Variants in PTOV1 observed in about 807,000 individuals in gnomAD.
PTOV1 encodes the protein PTOV1 extended AT-hook containing adaptor protein, also known as prostate tumor-overexpressed gene 1 protein.
A neutral mutation model predicts 58.0 loss-of-function variants in PTOV1; 20 were observed. The ratio of observed to expected loss-of-function variants is 0.34; its 90% CI spans 0.24 to 0.50. PTOV1 has a LOEUF of 0.50. Among genes scored for constraint, PTOV1 ranks in the 20% least tolerant of loss-of-function variants. PTOV1 has a pLI of 0.98. For missense variants in PTOV1, 593 were observed against 565.4 expected (o/e 1.05, Z -0.50); for synonymous variants, 335 against 234.2 (o/e 1.43, Z -3.93).
chr19:49,856,915 T>TG, intron 5 of PTOV1, 60 bp from the exon 6 acceptor site: 3 of 1,597,498 alleles, frequency 1.9e-6, no homozygotes, highest in Non-Finnish European at 2.6e-6. Flanking sequence ...CGGTCCAGGG[T>TG]GGTGGGGGCA....
intron 4 of PTOV1, 39 bp downstream of exon 4, chr19:49,854,927 C>T: frequency 6.3e-7 from 1 of 1,588,438 alleles, no homozygotes; most frequent in Non-Finnish European, 8.6e-7. Flanking sequence ...CTCTGAGCAC[C>T]CCCATGCCTG....
chr19:49,851,174 G>A (rs1600348299), exon 1 of PTOV1: 5 of 1,236,424 alleles, frequency 4.0e-6, no homozygotes, highest in Non-Finnish European at 5.0e-6. Context: ...TTCGGCCGCG[G>A]CGACCCCACT....
intron 6 of PTOV1, 21 bp from the exon 7 acceptor site, chr19:49,857,672 C>T (rs764776746): frequency 6.2e-6 from 10 of 1,610,150 alleles, no homozygotes; most frequent in South Asian, 4.4e-5. Flanking sequence ...CCCCTCTTCC[C>T]ACCCCGTTCC....
At position 49,856,812 on chromosome 19, in the gene PTOV1, A is replaced by G. The variant is rs1354166073; in HGVS notation, c.559-163A>G. The G allele has an allele frequency of 3.7e-6, 3 of 805,330 alleles. No homozygotes were observed. In the Admixed American group the frequency reaches 8.7e-5, roughly 23 times the overall value. 49.9% of individuals were successfully genotyped at this position (805,330 alleles called of 1,614,324 possible). A position where few individuals can be genotyped will look rare whatever the true frequency, so the allele number is the denominator to read the frequency against. On this transcript the variant is annotated intron_variant, in intron 5 of 11. Coordinates refer to ENST00000391842, the Ensembl canonical transcript of PTOV1. ...GTCGGGGGATGCCGATGGGCGCTGC[A>G]CGGGCTCTCAGAGGCCCCTCACCTA...
upstream of PTOV1, chr19:49,851,078 G>C (rs1352538670): frequency 2.8e-6 from 4 of 1,452,612 alleles, no homozygotes; most frequent in African/African-American, 5.9e-5. Context: ...CCCGGGCCCC[G>C]CTCCCCCGCG....
At chr19:49,858,562 C>A (rs374159356) in exon 10 of PTOV1, 4 of 1,601,350 alleles carry the variant, frequency 2.5e-6, no homozygotes, top group Non-Finnish European at 3.4e-6. Context: ...ACCCTAGTGC[C>A]GCTGTTCCGG....
chr19:49,854,406 G>A (rs371913757), exon 2 of PTOV1: 1 of 1,607,564 alleles, frequency 6.2e-7, no homozygotes, highest in African/African-American at 1.3e-5. Context: ...TCCATTGCAG[G>A]AAGGTGCTCG....
intron 6 of PTOV1, chr19:49,857,490 G>T: frequency 1.6e-6 from 1 of 632,070 alleles, no homozygotes; most frequent in Non-Finnish European, 2.8e-6. Context: ...CCAGGTGAGG[G>T]CCGGGACCTG....
chr19:49,852,652 T>C (rs977652905), intron 1 of PTOV1: 2 of 152,236 alleles, frequency 1.3e-5, no homozygotes, highest in African/African-American at 2.4e-5. Context: ...ATATGTGTTC[T>C]TTACTATGGC....
At chr19:49,858,627 C>T in exon 10 of PTOV1, 1 of 1,603,182 alleles carries the variant, frequency 6.2e-7, no homozygotes, top group Non-Finnish European at 8.5e-7. Flanking sequence ...ACTGAAGAGC[C>T]TGTGCCGGAT....
upstream of PTOV1, chr19:49,851,085 C>T (rs1294508735): frequency 1.4e-6 from 2 of 1,452,716 alleles, no homozygotes; most frequent in African/African-American, 2.9e-5. Context: ...CCCGCTCCCC[C>T]GCGCCGCCTT....
chr19:49,854,486 C>T (rs748925811), exon 2 of PTOV1: 77 of 1,612,832 alleles, frequency 4.8e-5, no homozygotes, highest in Non-Finnish European at 6.2e-5. Flanking sequence ...TGGCCGTGAG[C>T]GAGCACCGGC....
chr19:49,851,515 T>A lies in PTOV1; in HGVS notation c.171+16T>A. 9.0e-7 allele frequency: 1 copy of A among 1,107,316 alleles called. No individual in the cohort carries two copies. The highest frequency in any genetic ancestry group is 1.1e-6 in the Non-Finnish European group (1 of 898,188). The allele number at this position is 1,107,316 out of a possible 1,614,324, so 68.6% of individuals were successfully genotyped here. A position where few individuals can be genotyped will look rare whatever the true frequency, so the allele number is the denominator to read the frequency against. On this transcript the variant is annotated intron_variant, in intron 1 of 11. Transcript: ENST00000391842. Reference sequence around the variant, plus strand: ...CCCTCCCATGGTGAGCCCCCCGCCCTTTTTCCAGAGCCTTCCACGGCCCCG... The same window carrying A: ...CCCTCCCATGGTGAGCCCCCCGCCCATTTTCCAGAGCCTTCCACGGCCCCG...
intron 5 of PTOV1, chr19:49,855,545 C>T (rs546938486): frequency 1.7e-4 from 32 of 192,998 alleles, no homozygotes; most frequent in African/African-American, 6.9e-4. Context: ...GGTGCTGAAG[C>T]AGGCGCGGTG....
At position 49,854,907 on chromosome 19, in the gene PTOV1, A is replaced by G; in HGVS notation, c.450+19A>G. 7.6e-7 allele frequency: 1 copy of G among 1,310,764 alleles called. No individual in the cohort carries two copies. The highest frequency in any genetic ancestry group is 2.3e-5 in the African/African-American group (1 of 43,630). 81.2% of individuals were successfully genotyped at this position (1,310,764 alleles called of 1,614,324 possible). A position where few individuals can be genotyped will look rare whatever the true frequency, so the allele number is the denominator to read the frequency against. On this transcript the variant is annotated intron_variant, in intron 4 of 11. Coordinates refer to ENST00000391842, the Ensembl canonical transcript of PTOV1. The stretch of plus-strand genomic sequence containing the variant: ...GCTGCTGGTGAGACCCGCCCCTCCC[A>G]CCCCATCCACTCTGAGCACCCCCAT...
In PTOV1 at chr19:49,854,298, G is replaced by A. The variant is rs555822315; in HGVS notation, c.172-108G>A. ...GACATGGCCCCGTGGGCTTCCAGCA[G>A]GGGATTTGGGGCTGAATATTGGGAC... On this transcript the variant is annotated intron_variant, in intron 1 of 11. Transcript: ENST00000391842. The A allele has an allele frequency of 1.5e-5, 22 of 1,442,590 alleles. No homozygotes were observed. In the East Asian group the frequency reaches 4.1e-4, roughly 27 times the overall value. The allele number at this position is 1,442,590 out of a possible 1,614,324, so 89.4% of individuals were successfully genotyped here.
At chr19:49,857,225 T>C (rs772384518) in intron 6 of PTOV1, 95 bp downstream of exon 6, 6 of 1,504,568 alleles carry the variant, frequency 4.0e-6, no homozygotes, top group Non-Finnish European at 4.6e-6. Flanking sequence ...CGGAGTGTGA[T>C]GCGATGGCTG....
Position 49,858,720 on chromosome 19 carries a change from G to T in PTOV1, c.1041+67G>T. On this transcript the variant is annotated intron_variant, in intron 10 of 11. Coordinates refer to ENST00000391842, the Ensembl canonical transcript of PTOV1. The stretch of plus-strand genomic sequence containing the variant: ...CAGAGCGAGCCCGGACCGCTCACGG[G>T]GGCGGACATGGGAGAGGAACAGAGC... 2.7e-5 allele frequency: 35 copies of T among 1,307,116 alleles called. 2 individuals are homozygous for T. In the South Asian group the frequency reaches 4.4e-4, roughly 17 times the overall value. The allele number at this position is 1,307,116 out of a possible 1,614,324, so 81.0% of individuals were successfully genotyped here.
chr19:49,851,678 C>A (rs2074254080), intron 1 of PTOV1, 179 bp downstream of exon 1: 1 of 1,153,282 alleles, frequency 8.7e-7, no homozygotes, highest in Non-Finnish European at 1.1e-6. Flanking sequence ...GCCGCGCTCT[C>A]CCCTTTGTTG....
Sources: allele counts gnomAD v4.1 joint callset, GRCh38; gene constraint gnomAD v4.1.1; transcripts MANE v1.5; gene names NCBI Gene and HGNC (gene_info 2026-07-23, HGNC 2026-07-21).